The following POLK variants were observed in gnomAD, a reference collection of about 807,000 sequenced individuals.
POLK encodes DNA polymerase kappa.
In POLK, 76 loss-of-function variants were observed where a neutral mutation model predicts 94.0. The ratio of observed to expected loss-of-function variants is 0.81; its 90% CI spans 0.67 to 0.98. The LOEUF (loss-of-function observed/expected upper bound fraction) is 0.98, where lower values mean the gene tolerates loss of function less well. Ranked by LOEUF, POLK falls within the 50% of genes least tolerant of loss-of-function variation. The pLI, the probability that POLK is intolerant of heterozygous loss-of-function variation, is 0.00. For synonymous variants in POLK, 349 were observed against 325.4 expected, an observed-to-expected ratio of 1.07 and a Z score of -0.78; for missense variants, 954 against 1,010.1, an observed-to-expected ratio of 0.94 and a Z score of 0.75.
intron 13 of POLK, 127 bp downstream of exon 13, chr5:75,597,305 G>A (rs1773144841): frequency 1.6e-6 from 1 of 628,666 alleles, no homozygotes; most frequent in South Asian, 2.1e-5. Context: ...GCCATTTAGG[G>A]AAATGTTGGT....
intron 13 of POLK, 31 bp from the exon 14 acceptor site, chr5:75,597,716 A>T: frequency 7.7e-7 from 1 of 1,294,020 alleles, no homozygotes; most frequent in South Asian, 1.6e-5. Flanking sequence ...ATTATTCATT[A>T]TGGAATTTCT....
chr5:75,543,508 A>G (rs185093517), intron 1 of POLK, among the ~76,000 whole-genome samples: 13 of 152,280 alleles, frequency 8.5e-5, no homozygotes, highest in Middle Eastern at 3.4e-3. Context: ...GTTGCCCTCA[A>G]TGGATACCAG....
At chr5:75,525,054 T>A (rs1333810052) in intron 1 of POLK, among the ~76,000 whole-genome samples, 7 of 152,162 alleles carry the variant, frequency 4.6e-5, no homozygotes, top group Non-Finnish European at 7.3e-5. Flanking sequence ...ATATTAACAC[T>A]CTTCAGAAAG....
At chr5:75,571,320 G>A (rs891039644) in intron 4 of POLK, among the ~76,000 whole-genome samples, 8 of 152,158 alleles carry the variant, frequency 5.3e-5, no homozygotes, top group Admixed American at 1.3e-4. Context: ...CTTTTTTGGC[G>A]AATTTGATGG....
intron 7 of POLK, 146 bp downstream of exon 7, chr5:75,581,594 T>C (rs1772196532): frequency 1.5e-6 from 1 of 685,220 alleles, no homozygotes; most frequent in Admixed American, 2.9e-5. Flanking sequence ...ACTTTACCTA[T>C]TCAGAATAGC....
At chr5:75,519,650 G>A (rs1255916540) in intron 1 of POLK, among the ~76,000 whole-genome samples, 1 of 152,146 alleles carries the variant, frequency 6.6e-6, no homozygotes, top group Non-Finnish European at 1.5e-5. Context: ...TCACTTTTTG[G>A]AGTCTTTGAC....
intron 1 of POLK, among the ~76,000 whole-genome samples, chr5:75,545,463 G>T (rs1483028880): frequency 6.6e-6 from 1 of 152,190 alleles, no homozygotes; most frequent in Non-Finnish European, 1.5e-5. Context: ...TAACAGTTAT[G>T]ATGGGCAATT....
rs972297755 is a variant in POLK at position 75,566,305 on chromosome 5, G to A, written c.256-3035G>A. On this transcript the variant is annotated intron_variant, in intron 3 of 14. Coordinates refer to ENST00000241436, the Ensembl canonical transcript of POLK. Reference sequence around the variant, plus strand: ...AGTGGATCTTAGCTTGCTGGGCTCCGTGGGCGTGGGATCCGCTGAGCCAGA... The same window carrying A: ...AGTGGATCTTAGCTTGCTGGGCTCCATGGGCGTGGGATCCGCTGAGCCAGA... 7.9e-5 allele frequency among the ~76,000 whole-genome samples: 12 copies of A among 152,340 alleles called. No individual in the cohort carries two copies. In the South Asian group the frequency reaches 8.3e-4, roughly 11 times the overall value.
chr5:75,570,751 AG>A (rs200182816), intron 4 of POLK, among the ~76,000 whole-genome samples: 6 of 152,328 alleles, frequency 3.9e-5, no homozygotes, highest in South Asian at 4.1e-4. Context: ...AAAAAGTATT[AG>A]AAAAACAAGA....
At chr5:75,564,618 G>A (rs983905826) in intron 3 of POLK, among the ~76,000 whole-genome samples, 3 of 152,198 alleles carry the variant, frequency 2.0e-5, no homozygotes, top group Non-Finnish European at 4.4e-5. Context: ...TTGCTTGTCT[G>A]TAAAGGATTT....
At chr5:75,584,887 T>C (rs1202302375) in exon 9 of POLK, 1 of 1,607,278 alleles carries the variant, frequency 6.2e-7, no homozygotes, top group Middle Eastern at 1.7e-4. Flanking sequence ...CATTATTTCC[T>C]TCATATCTCC....
rs941541152 is a variant in POLK at position 75,577,300 on chromosome 5, A to G, written c.694+367A>G. The stretch of plus-strand genomic sequence containing the variant: ...CCTTTTCTTGTTGTTAGAAAAGACT[A>G]GCCTCAAACATATCAAAACATTGGA... On this transcript the variant is annotated intron_variant, in intron 6 of 14. Transcript: ENST00000241436. Among the ~76,000 whole-genome samples the G allele has an allele frequency of 2.6e-5, 4 of 152,346 alleles. No individual in the cohort carries two copies. In the East Asian group the frequency reaches 7.7e-4, roughly 29 times the overall value.
At chr5:75,575,515 T>C (rs1561389349) in intron 5 of POLK, among the ~76,000 whole-genome samples, 1 of 152,210 alleles carries the variant, frequency 6.6e-6, no homozygotes. Context: ...ATTGGAGCTT[T>C]AAGTGCTTGA....
intron 1 of POLK, among the ~76,000 whole-genome samples, chr5:75,540,886 T>C (rs891317760): frequency 6.6e-6 from 1 of 152,202 alleles, no homozygotes; most frequent in Non-Finnish European, 1.5e-5. Flanking sequence ...AAAACTTAGA[T>C]TTTCACACTT....
At chr5:75,518,870 C>A (rs904056120) in intron 1 of POLK, among the ~76,000 whole-genome samples, 3 of 152,126 alleles carry the variant, frequency 2.0e-5, no homozygotes, top group African/African-American at 4.8e-5. Context: ...ATAGAGACAG[C>A]GTCTCACTTT....
downstream of POLK, among the ~76,000 whole-genome samples, chr5:75,605,374 G>A (rs192676084): frequency 1.2e-3 from 177 of 152,136 alleles, 1 homozygote; most frequent in Non-Finnish European, 1.7e-3. Context: ...CATGGTCTTG[G>A]GTGTCTATGG....
At chr5:75,607,265 G>A in the POLK span, among the ~76,000 whole-genome samples, 3 of 151,976 alleles carry the variant, frequency 2.0e-5, no homozygotes, top group East Asian at 3.9e-4. Context: ...TCAGGAGTTC[G>A]AGACCAGCCT....
At chr5:75,583,056 G>T in intron 7 of POLK, 1 of 308,234 alleles carries the variant, frequency 3.2e-6, no homozygotes, top group Non-Finnish European at 5.9e-6. Flanking sequence ...AAAATGTCAT[G>T]GAGAATTAAA....
At chr5:75,597,048 A>G in exon 13 of POLK, 4 of 1,613,760 alleles carry the variant, frequency 2.5e-6, no homozygotes, top group African/African-American at 1.3e-5. Flanking sequence ...GTAACGTAGA[A>G]CAAAAGACTT....
Sources: gnomAD v4.1 joint callset for allele counts (sites outside exome capture counted in the v4.1 genomes callset) on GRCh38, gnomAD v4.1.1 for gene constraint, MANE v1.5 for transcripts, NCBI Gene and HGNC (gene_info 2026-07-23, HGNC 2026-07-21) for gene names.